GPT2: variants seen among roughly 807,000 people sequenced by gnomAD.
GPT2 encodes glutamic--pyruvic transaminase 2.
GPT2 carries 30 observed loss-of-function variants against 56.9 expected under a neutral mutation model. The ratio of observed to expected loss-of-function variants is 0.53; its 90% CI spans 0.39 to 0.72. The LOEUF is 0.72. GPT2 is among the 30% of genes least tolerant of loss of function. GPT2 has a pLI of 0.00. For missense variants in GPT2, 542 were observed against 703.4 expected (o/e 0.77, Z 2.60); for synonymous variants, 271 against 283.1 (o/e 0.96, Z 0.43).
chr16:46,909,951 G>A (rs1185809760), intron 6 of GPT2, 24 bp downstream of exon 6: 1 of 1,569,634 alleles, frequency 6.4e-7, no homozygotes, highest in African/African-American at 1.4e-5. Flanking sequence ...TTCCTCACCA[G>A]TTTCGTAGAG....
chr16:46,888,607 A>G (rs1960527975), intron 2 of GPT2, among the ~76,000 whole-genome samples: 1 of 152,068 alleles, frequency 6.6e-6, no homozygotes, highest in Admixed American at 6.6e-5. Flanking sequence ...TCAGCCTCCC[A>G]AAGTGCTGGG....
intron 6 of GPT2, among the ~76,000 whole-genome samples, chr16:46,913,642 C>A (rs533643130): frequency 2.0e-5 from 3 of 152,138 alleles, no homozygotes; most frequent in Non-Finnish European, 2.9e-5. Flanking sequence ...TTACAAGGTA[C>A]GTGTGTATGT....
At chr16:46,888,654 A>G (rs936905551) in intron 2 of GPT2, among the ~76,000 whole-genome samples, 4 of 150,376 alleles carry the variant, frequency 2.7e-5, no homozygotes, top group East Asian at 3.9e-4. Flanking sequence ...GCCAGATGCT[A>G]CTTTATTTTT....
chr16:46,884,631 G>T (rs369137448), intron 1 of GPT2, 63 bp from the exon 2 acceptor site: 5 of 1,312,234 alleles, frequency 3.8e-6, no homozygotes, highest in Non-Finnish European at 4.9e-6. Context: ...GGGCTTGTGT[G>T]GGGGAGTGCT....
At chr16:46,923,331 G>A (rs1269444524) in intron 9 of GPT2, among the ~76,000 whole-genome samples, 1 of 152,170 alleles carries the variant, frequency 6.6e-6, no homozygotes, top group Non-Finnish European at 1.5e-5. Context: ...GATGGTACAT[G>A]CCTGTTATCC....
At chr16:46,889,172 C>T (rs1178933849) in intron 2 of GPT2, among the ~76,000 whole-genome samples, 1 of 149,402 alleles carries the variant, frequency 6.7e-6, no homozygotes, top group Non-Finnish European at 1.5e-5. Flanking sequence ...GACCACAAGG[C>T]GTATGCCACC....
chr16:46,885,255 A>C, intron 2 of GPT2: 1 of 1,169,052 alleles, frequency 8.6e-7, no homozygotes, highest in Middle Eastern at 3.5e-4. Context: ...TCGTGGAACC[A>C]AGGTCCAGTG....
At chr16:46,897,494 G>T (rs1487590618) in intron 2 of GPT2, among the ~76,000 whole-genome samples, 154 bp from the exon 3 acceptor site, 1 of 152,182 alleles carries the variant, frequency 6.6e-6, no homozygotes, top group Admixed American at 6.5e-5. Flanking sequence ...GGTTAAATGA[G>T]ACCAGGCATG....
intron 8 of GPT2, among the ~76,000 whole-genome samples, chr16:46,921,565 C>T (rs1298046273): frequency 6.6e-6 from 1 of 152,146 alleles, no homozygotes; most frequent in Non-Finnish European, 1.5e-5. Flanking sequence ...AGGTTCCTGC[C>T]TCCAGGCACC....
chr16:46,916,972 A>G lies in GPT2; in HGVS notation c.900+265A>G, dbSNP rs187755120. On this transcript the variant is annotated intron_variant, in intron 7 of 11. Transcript: ENST00000340124. ...AGAAAAAGGAAAAAGAAAAAATGCCAGTGGGGTCACAGGTACGCAGCTGGA... is the reference window on the plus strand; with the variant it reads ...AGAAAAAGGAAAAAGAAAAAATGCCGGTGGGGTCACAGGTACGCAGCTGGA... Among the ~76,000 whole-genome samples the G allele has an allele frequency of 6.6e-3, 1,008 of 152,342 alleles. 22 individuals carry two copies. The highest frequency in any genetic ancestry group is 0.02 in the Middle Eastern group (6 of 294).
intron 4 of GPT2, among the ~76,000 whole-genome samples, chr16:46,902,035 C>T (rs1337520588): frequency 6.6e-6 from 1 of 152,232 alleles, no homozygotes; most frequent in South Asian, 2.1e-4. Flanking sequence ...TCCTGGAAGC[C>T]CCCAACTGAG....
At chr16:46,923,653 C>T (rs997835666) in intron 9 of GPT2, among the ~76,000 whole-genome samples, 2 of 152,232 alleles carry the variant, frequency 1.3e-5, no homozygotes, top group Non-Finnish European at 2.9e-5. Flanking sequence ...ACTTGGCCGG[C>T]GGCACCTGTG....
At chr16:46,905,577 C>T (rs188503809) in intron 4 of GPT2, among the ~76,000 whole-genome samples, 157 of 152,324 alleles carry the variant, frequency 1.0e-3, no homozygotes, top group African/African-American at 3.8e-3. Context: ...TGACCCCCAG[C>T]CCCCATGCAC....
chr16:46,885,082 T>C lies in GPT2; in HGVS notation c.243+124T>C, dbSNP rs1960458431. The C allele has an allele frequency of 9.6e-6, 13 of 1,350,338 alleles. No homozygotes were observed. In the Admixed American group the frequency reaches 4.5e-4, roughly 47 times the overall value. The allele number at this position is 1,350,338 out of a possible 1,614,324, so 83.6% of individuals were successfully genotyped here. Reference sequence around the variant, plus strand: ...GGCCAGCTCCTCAGTCAGCCAAGCCTGGCTAAAACGAGAGAATGCCCCCTC... The same window carrying C: ...GGCCAGCTCCTCAGTCAGCCAAGCCCGGCTAAAACGAGAGAATGCCCCCTC... On this transcript the variant is annotated intron_variant, in intron 2 of 11. Transcript: ENST00000340124.
intron 8 of GPT2, among the ~76,000 whole-genome samples, chr16:46,921,471 C>T (rs1183533075): frequency 6.6e-6 from 1 of 152,116 alleles, no homozygotes; most frequent in Non-Finnish European, 1.5e-5. Flanking sequence ...CTTCACCCGG[C>T]TCCCCCAAAA....
At chr16:46,900,618 G>A in intron 3 of GPT2, 64 bp from the exon 4 acceptor site, 1 of 1,304,056 alleles carries the variant, frequency 7.7e-7, no homozygotes, top group Non-Finnish European at 1.1e-6. Flanking sequence ...AGTGGCCTCT[G>A]TGCTCCTCCT....
At chr16:46,896,928 T>C (rs1167348609) in intron 2 of GPT2, among the ~76,000 whole-genome samples, 1 of 152,224 alleles carries the variant, frequency 6.6e-6, no homozygotes, top group African/African-American at 2.4e-5. Flanking sequence ...CTGGGCACAG[T>C]GGTTCACCCC....
intron 3 of GPT2, among the ~76,000 whole-genome samples, chr16:46,898,388 C>T (rs534096188): frequency 6.6e-6 from 1 of 152,128 alleles, no homozygotes; most frequent in Admixed American, 6.5e-5. Flanking sequence ...GCACTAACCT[C>T]GAGAGTGCTG....
chr16:46,913,009 G>A (rs963885092), intron 6 of GPT2, among the ~76,000 whole-genome samples: 1 of 152,204 alleles, frequency 6.6e-6, no homozygotes, highest in South Asian at 2.1e-4. Flanking sequence ...TCCAGCCTTT[G>A]GGGCCTGTAT....
Sources: allele counts gnomAD v4.1 joint callset (sites outside exome capture counted in the v4.1 genomes callset), GRCh38; gene constraint gnomAD v4.1.1; transcripts MANE v1.5; gene names NCBI Gene and HGNC (gene_info 2026-07-23, HGNC 2026-07-21).